SYNJ2: variants seen among roughly 807,000 people sequenced by gnomAD.
The protein encoded by SYNJ2 is synaptojanin 2.
A neutral mutation model predicts 141.3 loss-of-function variants in SYNJ2; 116 were observed. The observed-to-expected ratio is 0.82, with a 90% CI of 0.71 to 0.96. The LOEUF (loss-of-function observed/expected upper bound fraction) is 0.96. Ranked by LOEUF, SYNJ2 falls within the 40% of genes least tolerant of loss-of-function variation. SYNJ2 has a pLI of 0.00. For missense variants in SYNJ2, 1,873 were observed against 1,934.8 expected, an observed-to-expected ratio of 0.97 and a Z score of 0.60; for synonymous variants, 745 against 777.7, an observed-to-expected ratio of 0.96 and a Z score of 0.70.
At chr6:158,054,422 G>A (rs982081942) in intron 5 of SYNJ2, among the ~76,000 whole-genome samples, 2 of 152,084 alleles carry the variant, frequency 1.3e-5, no homozygotes, top group African/African-American at 4.8e-5. Flanking sequence ...TCCCAGATTT[G>A]GCCAGCAAAA....
chr6:158,089,938 G>A lies in SYNJ2; in HGVS notation c.3556G>A (p.Ala1186Thr), dbSNP rs148794986. ...AEAAIRCLLE[A>T]RGGASEEALS... Reference sequence around the variant, plus strand: ...AGCAGCAATCCGGTGTCTCCTGGAAGCCAGAGGAGGTAGGTGCTTTCCTGG... The same window carrying A: ...AGCAGCAATCCGGTGTCTCCTGGAAACCAGAGGAGGTAGGTGCTTTCCTGG... The change falls in exon 25 of 27, where the codon GCC (alanine) becomes ACC (threonine). Residue 1186 changes from alanine (A) to threonine (T), a missense_variant. Transcript: ENST00000355585. 8.0e-4 allele frequency: 1,296 copies of A among 1,613,612 alleles called. 2 individuals carry two copies. Among genetic ancestry groups the A allele is most frequent in the Non-Finnish European group, 1.1e-3 (1,243 of 1,179,558 alleles).
rs558064294 is a variant in SYNJ2 at position 158,005,922 on chromosome 6, G to A, written c.128-11282G>A. 1.4e-4 allele frequency among the ~76,000 whole-genome samples: 22 copies of A among 152,236 alleles called. No individual in the cohort carries two copies. The South Asian group carries it at 4.4e-3, about 30-fold the overall frequency. Reference sequence around the variant, plus strand: ...CTGCTCCCCGCAGTGCACTGTCTACGTTTCAGGCCAGTGCTACCTGTGTGC... The same window carrying A: ...CTGCTCCCCGCAGTGCACTGTCTACATTTCAGGCCAGTGCTACCTGTGTGC... On this transcript the variant is annotated intron_variant, in intron 1 of 26. Transcript: ENST00000355585.
At chr6:158,042,773 G>A (rs1018602463) in intron 4 of SYNJ2, among the ~76,000 whole-genome samples, 3 of 152,204 alleles carry the variant, frequency 2.0e-5, no homozygotes, top group Non-Finnish European at 4.4e-5. Context: ...GAACACAGTG[G>A]GGCAGGGCCA....
At chr6:158,002,839 T>C (rs1050574952) in intron 1 of SYNJ2, among the ~76,000 whole-genome samples, 1 of 152,252 alleles carries the variant, frequency 6.6e-6, no homozygotes, top group African/African-American at 2.4e-5. Flanking sequence ...GCCCTGTCAC[T>C]GGCTCTGCCC....
intron 1 of SYNJ2, chr6:158,001,190 C>A (rs1777840179): frequency 6.6e-6 from 1 of 152,302 alleles, no homozygotes; most frequent in African/African-American, 2.4e-5. Context: ...CGGAGAAAAA[C>A]ACAGCCATCT....
chr6:158,091,850 A>G (rs1290809858), intron 25 of SYNJ2, among the ~76,000 whole-genome samples: 1 of 152,186 alleles, frequency 6.6e-6, no homozygotes, highest in Non-Finnish European at 1.5e-5. Flanking sequence ...AAAAGGCCAC[A>G]TAGTGTACCA....
In SYNJ2 at chr6:158,096,267, C is replaced by T. The variant is rs1047082883; in HGVS notation, c.4394C>T (p.Pro1465Leu). 6.2e-7 allele frequency: 1 copy of T among 1,614,228 alleles called. No individual in the cohort carries two copies. The highest frequency in any genetic ancestry group is 1.1e-5 in the South Asian group (1 of 91,076). ...GASAAKAELP[P>L]DHEHKTLGHW... Reference sequence around the variant, plus strand: ...TCAGCTGCCAAGGCAGAGCTGCCACCAGATCATGAACACAAAACCTTAGGT... The same window carrying T: ...TCAGCTGCCAAGGCAGAGCTGCCACTAGATCATGAACACAAAACCTTAGGT... Residue 1465 changes from proline (P) to leucine (L), a missense_variant, in exon 27 of 27, where the codon CCA becomes CTA. Pro to Leu is a moderately conservative substitution (Grantham distance 98, BLOSUM62 -3). Transcript: ENST00000355585.
intron 1 of SYNJ2, among the ~76,000 whole-genome samples, chr6:157,986,339 G>A (rs372150538): frequency 6.6e-6 from 1 of 152,206 alleles, no homozygotes; most frequent in Non-Finnish European, 1.5e-5. Flanking sequence ...CTTCTCCCGC[G>A]GGTTTTGTTT....
chr6:158,076,141 T>C (rs1782269538), intron 16 of SYNJ2, among the ~76,000 whole-genome samples: 1 of 152,278 alleles, frequency 6.6e-6, no homozygotes, highest in African/African-American at 2.4e-5. Flanking sequence ...GGAGCCGTGA[T>C]TGCACCACTG....
chr6:158,016,648 A>C (rs770888534), intron 1 of SYNJ2, among the ~76,000 whole-genome samples: 12 of 152,274 alleles, frequency 7.9e-5, no homozygotes, highest in South Asian at 2.1e-4. Context: ...TCCCTCTGTC[A>C]GTTTTGCATT....
At chr6:158,074,444 T>C in intron 15 of SYNJ2, 136 bp from the exon 16 acceptor site, 1 of 840,604 alleles carries the variant, frequency 1.2e-6, no homozygotes, top group African/African-American at 1.7e-5. Flanking sequence ...CAAGATGCTC[T>C]AGTAGAAAAC....
chr6:158,014,869 G>T (rs1231507852), intron 1 of SYNJ2, among the ~76,000 whole-genome samples: 1 of 152,232 alleles, frequency 6.6e-6, no homozygotes, highest in African/African-American at 2.4e-5. Flanking sequence ...GGGGGCTGAG[G>T]GTAGGAAGAG....
chr6:158,089,585 A>G (rs994454322), intron 24 of SYNJ2, among the ~76,000 whole-genome samples: 1 of 152,138 alleles, frequency 6.6e-6, no homozygotes, highest in African/African-American at 2.4e-5. Context: ...AAGATAGAAG[A>G]TGGTCTGTCC....
intron 6 of SYNJ2, among the ~76,000 whole-genome samples, chr6:158,058,189 T>G (rs1780985776): frequency 6.6e-6 from 1 of 152,250 alleles, no homozygotes; most frequent in Non-Finnish European, 1.5e-5. Context: ...CATATAAAAT[T>G]CTACCACTTT....
intron 5 of SYNJ2, among the ~76,000 whole-genome samples, chr6:158,053,154 T>G (rs1189077834): frequency 6.6e-6 from 1 of 152,230 alleles, no homozygotes; most frequent in Non-Finnish European, 1.5e-5. Flanking sequence ...GAATGCTACC[T>G]ACATGATGCT....
chr6:157,996,991 C>T (rs986016686), intron 1 of SYNJ2, among the ~76,000 whole-genome samples: 37 of 152,086 alleles, frequency 2.4e-4, no homozygotes, highest in African/African-American at 8.7e-4. Flanking sequence ...CAAGGGTTGG[C>T]CTGGCTGCTG....
intron 24 of SYNJ2, 56 bp from the exon 25 acceptor site, chr6:158,089,783 C>T (rs994295365): frequency 2.8e-5 from 38 of 1,362,288 alleles, no homozygotes; most frequent in Non-Finnish European, 3.3e-5. Context: ...ATACGTCCCA[C>T]GAGGCTGTCC....
At chr6:158,056,252 C>A (rs896806469) in intron 6 of SYNJ2, among the ~76,000 whole-genome samples, 2 of 152,142 alleles carry the variant, frequency 1.3e-5, no homozygotes, top group African/African-American at 4.8e-5. Flanking sequence ...TTTCAGAATC[C>A]TGGTAATGCA....
intron 1 of SYNJ2, among the ~76,000 whole-genome samples, chr6:158,005,821 G>T (rs1460020400): frequency 1.3e-5 from 2 of 151,208 alleles, no homozygotes; most frequent in Admixed American, 1.3e-4. Flanking sequence ...CCCAAAATTT[G>T]AAGCCACTGG....
Sources: allele counts gnomAD v4.1 joint callset (sites outside exome capture counted in the v4.1 genomes callset), GRCh38; gene constraint gnomAD v4.1.1; transcripts MANE v1.5; gene names NCBI Gene and HGNC (gene_info 2026-07-23, HGNC 2026-07-21).